The following ZNF197 variants were observed in gnomAD, a reference collection of about 807,000 sequenced individuals.
ZNF197 encodes zinc finger protein 197.
Under a neutral mutation model 27.4 loss-of-function variants are expected in ZNF197, and 14 were observed. That is an observed-to-expected ratio of 0.51 (90% CI 0.34 to 0.80). The LOEUF (loss-of-function observed/expected upper bound fraction) is 0.80, where lower values mean the gene tolerates loss of function less well. Among genes scored for constraint, ZNF197 ranks in the 30% least tolerant of loss-of-function variants. ZNF197 has a pLI of 0.02. For missense variants in ZNF197, 1,090 were observed against 1,222.6 expected, an observed-to-expected ratio of 0.89 and a Z score of 1.62; for synonymous variants, 415 against 420.0, an observed-to-expected ratio of 0.99 and a Z score of 0.15.
At position 44,645,491 on chromosome 3, in the gene ZNF197, A is replaced by G. The variant is rs2125829173; in HGVS notation, c.*1271A>G. On this transcript the variant is annotated 3_prime_UTR_variant, in exon 6 of 6. Coordinates refer to ENST00000344387, the MANE Select transcript of ZNF197 (RefSeq NM_006991.5). ...TATCTAGTTTATGTATATGGAAAAA[A>G]ATGTTATGGCCAGCCATTAACAGTG... 1.0e-6 allele frequency: 1 copy of G among 985,404 alleles called. No homozygotes were observed. Among genetic ancestry groups the G allele is most frequent in the South Asian group, 4.7e-5 (1 of 21,284 alleles). 61.0% of individuals were successfully genotyped at this position (985,404 alleles called of 1,614,324 possible). A position where few individuals can be genotyped will look rare whatever the true frequency, so the allele number is the denominator to read the frequency against.
intron 5 of ZNF197, among the ~76,000 whole-genome samples, chr3:44,633,663 C>T (rs1211484546): frequency 6.6e-6 from 1 of 152,190 alleles, no homozygotes; most frequent in African/African-American, 2.4e-5. Flanking sequence ...ATTGCATGGT[C>T]TGTGTATCAT....
chr3:44,639,788 G>A (rs974741524), intron 5 of ZNF197, among the ~76,000 whole-genome samples: 1 of 151,978 alleles, frequency 6.6e-6, no homozygotes, highest in Non-Finnish European at 1.5e-5. Flanking sequence ...ACAGTGATAG[G>A]CAAGAAATGA....
In ZNF197 at chr3:44,642,796, C is replaced by T; in HGVS notation, c.1666C>T (p.His556Tyr). 1.9e-6 allele frequency: 3 copies of T among 1,613,432 alleles called. No individual in the cohort carries two copies. Among genetic ancestry groups the T allele is most frequent in the Non-Finnish European group, 2.5e-6 (3 of 1,179,912 alleles). The change falls in exon 6 of 6, where the codon CAT (histidine) becomes TAT (tyrosine). Residue 556 changes from histidine to tyrosine, a missense_variant. By Grantham distance (83) the His-to-Tyr change is moderately conservative. Coordinates refer to ENST00000344387, the MANE Select transcript of ZNF197 (RefSeq NM_006991.5). Reference protein sequence around the residue: ...TFAQTTYLIDHQRLHSAENPY... With the variant: ...TFAQTTYLIDYQRLHSAENPY... ...TGCTCAGACCACTTATCTTATTGAC[C>T]ATCAGCGACTCCACAGTGCAGAGAA...
At chr3:44,635,560 G>A (rs754709505) in intron 5 of ZNF197, among the ~76,000 whole-genome samples, 3 of 152,136 alleles carry the variant, frequency 2.0e-5, no homozygotes, top group Non-Finnish European at 4.4e-5. Context: ...TCGATAAACT[G>A]TGGTAGAAAA....
At position 44,642,940 on chromosome 3, in the gene ZNF197, A is replaced by G. The variant is rs749144928; in HGVS notation, c.1810A>G (p.Ser604Gly). 1 of 1,614,030 alleles carries G rather than the reference A, an allele frequency of 6.2e-7. No individual in the cohort carries two copies. Among genetic ancestry groups the G allele is most frequent in the Non-Finnish European group, 8.5e-7 (1 of 1,179,984 alleles). ...FGCKKCGKIFSSKSNFIDHKR... is the reference protein window; with the variant it reads ...FGCKKCGKIFGSKSNFIDHKR... ...TTGTAAAAAGTGTGGGAAGATTTTC[A>G]GTTCTAAGTCAAACTTCATTGACCA... The change falls in exon 6 of 6, where the codon AGT becomes GGT. Residue 604 changes from serine (S) to glycine (G), a missense_variant. Transcript: ENST00000344387.
chr3:44,641,784 CT>C (rs1702616228), intron 5 of ZNF197, 115 bp from the exon 6 acceptor site: 5 of 1,217,712 alleles, frequency 4.1e-6, no homozygotes, highest in Middle Eastern at 5.7e-4. Context: ...AAAGTTTCTC[CT>C]TTTTGTATGC....
chr3:44,629,666 A>G, intron 2 of ZNF197, 122 bp downstream of exon 2: 1 of 1,254,364 alleles, frequency 8.0e-7, no homozygotes, highest in Non-Finnish European at 1.1e-6. Context: ...CACACTAGCA[A>G]CCTTAATGAT....
intron 5 of ZNF197, among the ~76,000 whole-genome samples, chr3:44,639,559 A>G (rs1702485949): frequency 6.6e-6 from 1 of 151,076 alleles, no homozygotes; most frequent in Non-Finnish European, 1.5e-5. Flanking sequence ...CAGTTTTAGT[A>G]ATTTGTGCCT....
At chr3:44,641,848 C>T in intron 5 of ZNF197, 52 bp from the exon 6 acceptor site, 1 of 1,490,242 alleles carries the variant, frequency 6.7e-7, no homozygotes, top group African/African-American at 1.4e-5. Flanking sequence ...AGATCCTGTT[C>T]TTCCAAACAC....
intron 5 of ZNF197, among the ~76,000 whole-genome samples, chr3:44,633,586 A>G (rs1290042236): frequency 6.6e-6 from 1 of 152,248 alleles, no homozygotes; most frequent in Non-Finnish European, 1.5e-5. Context: ...GAACTGGGTA[A>G]TCAGCCACAG....
At chr3:44,632,678 A>G in intron 5 of ZNF197, 79 bp downstream of exon 5, 1 of 1,358,354 alleles carries the variant, frequency 7.4e-7, no homozygotes, top group Non-Finnish European at 9.6e-7. Context: ...AGTAGCATAT[A>G]TGTATTTTGG....
At chr3:44,635,763 A>G (rs1362132979) in intron 5 of ZNF197, among the ~76,000 whole-genome samples, 2 of 152,136 alleles carry the variant, frequency 1.3e-5, no homozygotes, top group African/African-American at 4.8e-5. Flanking sequence ...TTACAATACA[A>G]TTTGGCACAT....
Position 44,643,108 on chromosome 3 carries a change from A to G in ZNF197, c.1978A>G (p.Ile660Val), listed in dbSNP as rs942936525. 6.2e-7 allele frequency: 1 copy of G among 1,613,586 alleles called. No individual in the cohort carries two copies. The highest frequency in any genetic ancestry group is 1.7e-5 in the Admixed American group (1 of 59,890). The change falls in exon 6 of 6, where the codon ATT becomes GTT. Residue 660 changes from isoleucine (I) to valine (V), a missense_variant. Transcript: ENST00000344387. ...YECNECGKVF[I>V]LKKSLILHQR... ...ATGTAATGAATGTGGGAAAGTTTTTATTCTGAAGAAGAGCCTCATTTTACA... is the reference window on the plus strand; with the variant it reads ...ATGTAATGAATGTGGGAAAGTTTTTGTTCTGAAGAAGAGCCTCATTTTACA...
rs753068685 is a variant in ZNF197 at position 44,643,143 on chromosome 3, C to T, written c.2013C>T (p.Phe671=). The T allele has an allele frequency of 1.1e-5, 17 of 1,612,688 alleles. No individual in the cohort carries two copies. Among genetic ancestry groups the T allele is most frequent in the Non-Finnish European group, 1.4e-5 (17 of 1,179,672 alleles). Residue 671 remains phenylalanine, a synonymous_variant, in exon 6 of 6, where the codon TTC becomes TTT. Transcript: ENST00000344387. ...LKKSLILHQR[F]HTGENLYECK... Reference sequence around the variant, plus strand: ...AGAGCCTCATTTTACATCAAAGGTTCCACACTGGAGAGAATCTCTATGAAT... The same window carrying T: ...AGAGCCTCATTTTACATCAAAGGTTTCACACTGGAGAGAATCTCTATGAAT...
At chr3:44,639,272 T>C (rs1368192090) in intron 5 of ZNF197, among the ~76,000 whole-genome samples, 2 of 152,160 alleles carry the variant, frequency 1.3e-5, no homozygotes, top group African/African-American at 4.8e-5. Context: ...GCTATATTTA[T>C]CTATAGTTTT....
chr3:44,646,396 T>G lies in ZNF197; in HGVS notation c.*2176T>G. On this transcript the variant is annotated 3_prime_UTR_variant, in exon 6 of 6. Coordinates refer to ENST00000344387, the MANE Select transcript of ZNF197 (RefSeq NM_006991.5). Reference sequence around the variant, plus strand: ...TAACAAAATGTCACATTGCTTAGATTGAGACAGCCCACATAATGTGCCACC... The same window carrying G: ...TAACAAAATGTCACATTGCTTAGATGGAGACAGCCCACATAATGTGCCACC... The G allele has an allele frequency of 1.3e-6, 2 of 1,596,340 alleles. No homozygotes were observed. Among genetic ancestry groups the G allele is most frequent in the Admixed American group, 1.7e-5 (1 of 57,358 alleles).
intron 5 of ZNF197, among the ~76,000 whole-genome samples, chr3:44,639,405 G>GTAGAATTT (rs1159564532): frequency 6.6e-6 from 1 of 151,862 alleles, no homozygotes; most frequent in Non-Finnish European, 1.5e-5. Context: ...TTAAGGTTTG[G>GTAGAATTT]TAGAATTTGC....
At chr3:44,627,275 T>C (rs1701722791) in intron 1 of ZNF197, among the ~76,000 whole-genome samples, 1 of 152,230 alleles carries the variant, frequency 6.6e-6, no homozygotes, top group South Asian at 2.1e-4. Context: ...AATGCTGAAA[T>C]GTAAGTAAAA....
In ZNF197 at chr3:44,642,655, C is replaced by G. The variant is rs1702683885; in HGVS notation, c.1525C>G (p.Pro509Ala). The stretch of plus-strand genomic sequence containing the variant: ...TCAGAGGCTCCACAAAGGGGAAGAA[C>G]CTTATAAATGTAATAAGTGTCAGAA... ...DHQRLHKGEE[P>A]YKCNKCQKAF... Residue 509 changes from proline (P) to alanine (A), a missense_variant, in exon 6 of 6, where the codon CCT becomes GCT. Transcript: ENST00000344387. 1.2e-6 allele frequency: 2 copies of G among 1,613,836 alleles called. No homozygotes were observed. Among genetic ancestry groups the G allele is most frequent in the South Asian group, 2.2e-5 (2 of 91,076 alleles).
Sources: allele counts gnomAD v4.1 joint callset (sites outside exome capture counted in the v4.1 genomes callset), GRCh38; gene constraint gnomAD v4.1.1; transcripts MANE v1.5; gene names NCBI Gene and HGNC (gene_info 2026-07-23, HGNC 2026-07-21).